Variants in CYB561A3 observed in about 807,000 individuals in gnomAD.
CYB561A3 encodes the protein cytochrome b561 family member A3.
CYB561A3 carries 16 observed loss-of-function variants against 25.3 expected under a neutral mutation model. The observed-to-expected ratio is 0.63, with a 90% CI of 0.43 to 0.96. CYB561A3 has a LOEUF of 0.96. Ranked by LOEUF, CYB561A3 falls within the 40% of genes least tolerant of loss-of-function variation. CYB561A3 has a pLI of 0.00. For missense variants in CYB561A3, 219 were observed against 307.5 expected, an observed-to-expected ratio of 0.71 and a Z score of 2.15; for synonymous variants, 131 against 129.9, an observed-to-expected ratio of 1.01 and a Z score of -0.06.
chr11:61,356,455 C>T, intron 3 of CYB561A3, 75 bp downstream of exon 3: 4 of 1,487,194 alleles, frequency 2.7e-6, no homozygotes, highest in Non-Finnish European at 3.6e-6. Context: ...TTACAAAGGC[C>T]AGCCTTGGAG....
chr11:61,360,473 G>C (rs1433714142), intron 1 of CYB561A3: 1 of 152,220 alleles, frequency 6.6e-6, no homozygotes, highest in East Asian at 1.9e-4. Context: ...GCCCATGCAA[G>C]AGCAGCCACA....
In CYB561A3 at chr11:61,355,152, G is replaced by A. The variant is rs1857600204; in HGVS notation, c.185-1160C>T. Among the ~76,000 whole-genome samples the A allele has an allele frequency of 2.0e-5, 3 of 152,128 alleles. No individual in the cohort carries two copies. The East Asian group carries it at 5.8e-4, about 30-fold the overall frequency. On this transcript the variant is annotated intron_variant, in intron 3 of 6. Transcript: ENST00000294072. ...CAAAGTGCTGGGATTACAGGCGTGA[G>A]CCACCACGCCTGGCCTGGCCTCTCC... is the stretch of plus-strand genomic sequence containing the variant.
At chr11:61,352,839 A>C in intron 5 of CYB561A3, 146 bp downstream of exon 5, 1 of 1,482,724 alleles carries the variant, frequency 6.7e-7, no homozygotes, top group Middle Eastern at 1.8e-4. Flanking sequence ...CTAAAGAAAG[A>C]TCAATTCTGT....
rs1420570472 is a variant in CYB561A3 at position 61,357,756 on chromosome 11, G to C, written c.-39C>G. Reference sequence around the variant, plus strand: ...ACCTTTAGCCCTAATGATAGGCTCAGAGAACTGGCCTGGGCTCCAATTCCT... The same window carrying C: ...ACCTTTAGCCCTAATGATAGGCTCACAGAACTGGCCTGGGCTCCAATTCCT... On this transcript the variant is annotated 5_prime_UTR_variant, in exon 2 of 7. Coordinates refer to ENST00000294072, the MANE Select transcript of CYB561A3 (RefSeq NM_153611.6). The C allele has an allele frequency of 6.5e-6, 1 of 154,588 alleles. No individual in the cohort carries two copies. The highest frequency in any genetic ancestry group is 1.9e-4 in the East Asian group (1 of 5,208). 9.6% of individuals were successfully genotyped at this position (154,588 alleles called of 1,614,324 possible). A position where few individuals can be genotyped will look rare whatever the true frequency, so the allele number is the denominator to read the frequency against.
chr11:61,351,630 A>G (rs1183940312), intron 5 of CYB561A3: 2 of 151,802 alleles, frequency 1.3e-5, no homozygotes, highest in African/African-American at 4.8e-5. Flanking sequence ...ATATTTGTAT[A>G]ATGAGCCAGG....
chr11:61,352,843 A>C (rs755557977), intron 5 of CYB561A3, 142 bp downstream of exon 5: 4 of 1,493,384 alleles, frequency 2.7e-6, no homozygotes, highest in Non-Finnish European at 3.6e-6. Flanking sequence ...AGAAAGATCA[A>C]TTCTGTTACC....
intron 2 of CYB561A3, chr11:61,357,097 G>C: frequency 1.4e-6 from 2 of 1,466,388 alleles, no homozygotes; most frequent in Non-Finnish European, 1.9e-6. Context: ...GGAAAAAAGG[G>C]ACAGGAATCA....
intron 1 of CYB561A3, chr11:61,361,277 G>A (rs1392824364): frequency 2.0e-5 from 3 of 152,230 alleles, no homozygotes. Flanking sequence ...CAGCTCTGAG[G>A]ATTCCTTATT....
Position 61,350,034 on chromosome 11 carries a change from G to A in CYB561A3, c.*365C>T, listed in dbSNP as rs540195847. 8.1e-6 allele frequency: 4 copies of A among 493,334 alleles called. No individual in the cohort carries two copies. The highest frequency in any genetic ancestry group is 3.9e-5 in the African/African-American group (2 of 51,870). The allele number at this position is 493,334 out of a possible 1,614,324, so 30.6% of individuals were successfully genotyped here. A position where few individuals can be genotyped will look rare whatever the true frequency, so the allele number is the denominator to read the frequency against. ...GAGCGGCCAGAGCGAGGAGGACCTCGTGTGAATGGAGGACCTGAGAGGCTG... is the reference window on the plus strand; with the variant it reads ...GAGCGGCCAGAGCGAGGAGGACCTCATGTGAATGGAGGACCTGAGAGGCTG... On this transcript the variant is annotated 3_prime_UTR_variant, in exon 7 of 7. Coordinates refer to ENST00000294072, the MANE Select transcript of CYB561A3 (RefSeq NM_153611.6).
chr11:61,356,764 C>G (rs1192027446), intron 2 of CYB561A3, 36 bp from the exon 3 acceptor site: 1 of 1,603,156 alleles, frequency 6.2e-7, no homozygotes, highest in Non-Finnish European at 8.5e-7. Flanking sequence ...TCCACTGGCT[C>G]AGATGCACCC....
At chr11:61,353,280 C>G in intron 4 of CYB561A3, 141 bp from the exon 5 acceptor site, 1 of 1,086,944 alleles carries the variant, frequency 9.2e-7, no homozygotes. Context: ...TGCCCACTAC[C>G]GTGCTAGCTT....
intron 1 of CYB561A3, chr11:61,358,121 G>A (rs1857709152): frequency 6.6e-6 from 1 of 152,254 alleles, no homozygotes; most frequent in African/African-American, 2.4e-5. Flanking sequence ...TAGAAGTCAA[G>A]TATTAGAATT....
rs764286283 is a variant in CYB561A3 at position 61,349,660 on chromosome 11, C to A, written c.*739G>T. 2 of 702,608 alleles carry A rather than the reference C, an allele frequency of 2.8e-6. No homozygotes were observed. The highest frequency in any genetic ancestry group is 5.4e-5 in the East Asian group (2 of 37,296). The allele number at this position is 702,608 out of a possible 1,614,324, so 43.5% of individuals were successfully genotyped here. A position where few individuals can be genotyped will look rare whatever the true frequency, so the allele number is the denominator to read the frequency against. On this transcript the variant is annotated 3_prime_UTR_variant, in exon 7 of 7. Coordinates refer to ENST00000294072, the MANE Select transcript of CYB561A3 (RefSeq NM_153611.6). ...TAGCAGCAGCTGGAAGAGGTGGAGC[C>A]GCACGGTCACAATACATGCAGACAC...
intron 5 of CYB561A3, 103 bp from the exon 6 acceptor site, chr11:61,351,250 G>T: frequency 7.9e-7 from 1 of 1,272,616 alleles, no homozygotes; most frequent in Non-Finnish European, 1.0e-6. Context: ...AACCTTCCCG[G>T]GTCCATATGT....
intron 1 of CYB561A3, chr11:61,360,055 G>A (rs896109263): frequency 1.3e-5 from 2 of 151,044 alleles, no homozygotes; most frequent in Non-Finnish European, 2.9e-5. Flanking sequence ...ACCAGCCTGA[G>A]CAACAGTGAG....
At chr11:61,355,371 G>A (rs1205266965) in intron 3 of CYB561A3, among the ~76,000 whole-genome samples, 1 of 152,072 alleles carries the variant, frequency 6.6e-6, no homozygotes, top group Non-Finnish European at 1.5e-5. Context: ...TGAAAGCATG[G>A]GACAAAGATT....
chr11:61,358,299 A>G (rs1303726660), intron 1 of CYB561A3: 1 of 152,026 alleles, frequency 6.6e-6, no homozygotes, highest in East Asian at 1.9e-4. Context: ...GCCTGTAATC[A>G]ATCCCAGCTA....
chr11:61,357,003 T>C, intron 2 of CYB561A3: 1 of 1,468,206 alleles, frequency 6.8e-7, no homozygotes, highest in Non-Finnish European at 9.0e-7. Context: ...GAAGGCCAGA[T>C]GCCAAGGCCC....
chr11:61,353,965 G>A lies in CYB561A3; in HGVS notation c.212C>T (p.Ser71Leu), dbSNP rs1199886687. ...GASLVYRLPQ[S>L]WVGPKLPWKL... ...CCAGGGCAGTTTGGGCCCCACCCAC[G>A]ACTGGGGCAGGCGGTACACCAGTGA... is the stretch of plus-strand genomic sequence containing the variant. The change falls in exon 4 of 7, where the codon TCG (serine) becomes TTG (leucine). Residue 71 changes from serine to leucine, a missense_variant. Physicochemically the swap from Ser to Leu is moderately radical, Grantham distance 145 (BLOSUM62 -2). Coordinates refer to ENST00000294072, the MANE Select transcript of CYB561A3 (RefSeq NM_153611.6). 29 of 1,614,052 alleles carry A rather than the reference G, an allele frequency of 1.8e-5. No individual in the cohort carries two copies. The highest frequency in any genetic ancestry group is 2.7e-5 in the African/African-American group (2 of 74,938).
Sources: allele counts gnomAD v4.1 joint callset (sites outside exome capture counted in the v4.1 genomes callset), GRCh38; gene constraint gnomAD v4.1.1; transcripts MANE v1.5; gene names NCBI Gene and HGNC (gene_info 2026-07-23, HGNC 2026-07-21).